The following HIBADH variants were observed in gnomAD, a reference collection of about 807,000 sequenced individuals.
The protein encoded by HIBADH is 3-hydroxyisobutyrate dehydrogenase, mitochondrial.
A neutral mutation model predicts 36.1 loss-of-function variants in HIBADH; 25 were observed. The ratio of observed to expected loss-of-function variants is 0.69; its 90% confidence interval spans 0.50 to 0.97. The LOEUF (loss-of-function observed/expected upper bound fraction) is 0.97, where lower values mean the gene tolerates loss of function less well. Ranked by LOEUF, HIBADH falls within the 50% of genes least tolerant of loss-of-function variation. The pLI, the probability that HIBADH is intolerant of heterozygous loss-of-function variation, is 0.00. For synonymous variants in HIBADH, 160 were observed against 149.5 expected, an observed-to-expected ratio of 1.07 and a Z score of -0.51; for missense variants, 421 against 418.0, an observed-to-expected ratio of 1.01 and a Z score of -0.06.
At chr7:27,606,729 T>G (rs1400530247) in intron 4 of HIBADH, among the ~76,000 whole-genome samples, 2 of 152,266 alleles carry the variant, frequency 1.3e-5, no homozygotes, top group African/African-American at 4.8e-5. Flanking sequence ...CTGCACTGAT[T>G]GTTGAGTCTC....
intron 4 of HIBADH, among the ~76,000 whole-genome samples, chr7:27,554,039 A>G (rs1425770193): frequency 6.6e-6 from 1 of 152,048 alleles, no homozygotes; most frequent in African/African-American, 2.4e-5. Flanking sequence ...AGGCTGGAGT[A>G]CAGTGGTGCG....
intron 4 of HIBADH, among the ~76,000 whole-genome samples, chr7:27,569,095 G>A (rs1784590336): frequency 6.6e-6 from 1 of 151,976 alleles, no homozygotes; most frequent in African/African-American, 2.4e-5. Context: ...CAAATCCACT[G>A]ACTCTTTTCT....
At chr7:27,592,645 C>G (rs1257679878) in intron 4 of HIBADH, among the ~76,000 whole-genome samples, 2 of 149,518 alleles carry the variant, frequency 1.3e-5, no homozygotes, top group East Asian at 3.9e-4. Context: ...CAACTTTTCT[C>G]TATATCTATA....
intron 4 of HIBADH, among the ~76,000 whole-genome samples, chr7:27,561,587 T>C (rs1037513001): frequency 6.6e-6 from 1 of 152,154 alleles, no homozygotes; most frequent in Non-Finnish European, 1.5e-5. Context: ...GAGAAATACA[T>C]TTCTTCAATT....
intron 4 of HIBADH, among the ~76,000 whole-genome samples, chr7:27,557,356 G>A (rs1784405370): frequency 6.6e-6 from 1 of 151,786 alleles, no homozygotes; most frequent in Non-Finnish European, 1.5e-5. Context: ...CCTCATATAG[G>A]TCTTACACAT....
chr7:27,645,994 G>A (rs546862980), intron 2 of HIBADH, among the ~76,000 whole-genome samples: 36 of 152,216 alleles, frequency 2.4e-4, no homozygotes, highest in Non-Finnish European at 4.3e-4. Context: ...TGTTGCTCAT[G>A]CTCTTGGTGT....
chr7:27,624,934 A>C (rs989137033), intron 4 of HIBADH, among the ~76,000 whole-genome samples: 2 of 152,224 alleles, frequency 1.3e-5, no homozygotes, highest in Non-Finnish European at 2.9e-5. Context: ...ACAGAGACTA[A>C]AAAGACACCT....
intron 4 of HIBADH, among the ~76,000 whole-genome samples, chr7:27,553,757 A>T (rs1238651670): frequency 6.6e-6 from 1 of 152,122 alleles, no homozygotes; most frequent in Non-Finnish European, 1.5e-5. Context: ...TAGCTGGAGC[A>T]CAAAGACAGT....
chr7:27,585,452 T>C (rs1430158837), intron 4 of HIBADH, among the ~76,000 whole-genome samples: 1 of 152,152 alleles, frequency 6.6e-6, no homozygotes, highest in Non-Finnish European at 1.5e-5. Flanking sequence ...TTAAACATAA[T>C]AACTTTTCAG....
chr7:27,567,302 T>C (rs1157273834), intron 4 of HIBADH, among the ~76,000 whole-genome samples: 6 of 152,200 alleles, frequency 3.9e-5, no homozygotes, highest in Non-Finnish European at 5.9e-5. Context: ...CTTTGGTAAT[T>C]TTCCTTGCTC....
chr7:27,571,235 T>G (rs1784623840), intron 4 of HIBADH, among the ~76,000 whole-genome samples: 2 of 152,160 alleles, frequency 1.3e-5, no homozygotes, highest in Admixed American at 1.3e-4. Flanking sequence ...TTTTTATTTT[T>G]TTTTGAGACG....
intron 7 of HIBADH, among the ~76,000 whole-genome samples, chr7:27,530,553 AC>A (rs201118984): frequency 2.6e-5 from 4 of 151,114 alleles, no homozygotes; most frequent in Non-Finnish European, 5.9e-5. Flanking sequence ...AAACAAACAA[AC>A]AAAAACCAAC....
chr7:27,661,632 A>T (rs887464440), intron 1 of HIBADH, among the ~76,000 whole-genome samples: 3 of 151,000 alleles, frequency 2.0e-5, no homozygotes, highest in African/African-American at 7.3e-5. Flanking sequence ...AAGGGGCTCA[A>T]ATCCTAACCC....
Position 27,601,952 on chromosome 7 carries a change from C to A in HIBADH, c.484+27419G>T, listed in dbSNP as rs182614450. The stretch of plus-strand genomic sequence containing the variant: ...ATTGAATGGTGTGATATCGATAGAA[C>A]AAGAAAAAGTATTTTTCTCTATTTT... On this transcript the variant is annotated intron_variant, in intron 4 of 7. Coordinates refer to ENST00000265395, the MANE Select transcript of HIBADH (RefSeq NM_152740.4). Among the ~76,000 whole-genome samples, 320 of 151,828 alleles carry A rather than the reference C, an allele frequency of 2.1e-3. 2 individuals carry two copies. The highest frequency in any genetic ancestry group is 7.3e-3 in the African/African-American group (303 of 41,448).
chr7:27,536,095 T>C (rs1562613062), intron 6 of HIBADH, among the ~76,000 whole-genome samples: 1 of 152,168 alleles, frequency 6.6e-6, no homozygotes, highest in Non-Finnish European at 1.5e-5. Context: ...GATGCCAATT[T>C]TCTCTTTCAC....
intron 4 of HIBADH, among the ~76,000 whole-genome samples, chr7:27,597,131 G>C (rs1372612410): frequency 1.3e-5 from 2 of 151,940 alleles, no homozygotes; most frequent in African/African-American, 4.8e-5. Context: ...CATAGAGAAA[G>C]ATTTTAAAAA....
chr7:27,625,914 C>G (rs1785632269), intron 4 of HIBADH, among the ~76,000 whole-genome samples: 1 of 151,600 alleles, frequency 6.6e-6, no homozygotes, highest in African/African-American at 2.4e-5. Context: ...CCAAACTGGC[C>G]AACATGGTGA....
chr7:27,649,824 G>C (rs1370383492), intron 1 of HIBADH, among the ~76,000 whole-genome samples, 191 bp from the exon 2 acceptor site: 1 of 151,206 alleles, frequency 6.6e-6, no homozygotes, highest in Non-Finnish European at 1.5e-5. Flanking sequence ...CTCGAGCCCA[G>C]GAGTTTTAGA....
At chr7:27,559,495 G>A (rs976495203) in intron 4 of HIBADH, among the ~76,000 whole-genome samples, 2 of 151,962 alleles carry the variant, frequency 1.3e-5, no homozygotes, top group Non-Finnish European at 2.9e-5. Context: ...AGCCAGGTGT[G>A]GTGGCCCAAA....
Sources: gnomAD v4.1 joint callset for allele counts (sites outside exome capture counted in the v4.1 genomes callset) on GRCh38, gnomAD v4.1.1 for gene constraint, MANE v1.5 for transcripts, NCBI Gene and HGNC (gene_info 2026-07-23, HGNC 2026-07-21) for gene names.